Variants in OSBPL10 observed in about 807,000 individuals in gnomAD.
OSBPL10 encodes the protein oxysterol binding protein like 10, also known as oxysterol-binding protein-related protein 10.
A neutral mutation model predicts 81.7 loss-of-function variants in OSBPL10; 49 were observed. That is an observed-to-expected ratio of 0.60 (90% CI 0.48 to 0.76). The LOEUF (loss-of-function observed/expected upper bound fraction) is 0.76, where lower values mean the gene tolerates loss of function less well. Ranked by LOEUF, OSBPL10 falls within the 30% of genes least tolerant of loss-of-function variation. The pLI is 0.00. For synonymous variants in OSBPL10, 419 were observed against 383.6 expected, an observed-to-expected ratio of 1.09 and a Z score of -1.08; for missense variants, 923 against 987.8, an observed-to-expected ratio of 0.93 and a Z score of 0.88.
At chr3:31,726,935 C>G (rs1696825871) in intron 6 of OSBPL10, among the ~76,000 whole-genome samples, 1 of 151,808 alleles carries the variant, frequency 6.6e-6, no homozygotes, top group South Asian at 2.1e-4. Flanking sequence ...CTTCAACCTC[C>G]CAGGCTCAAG....
intron 1 of OSBPL10, among the ~76,000 whole-genome samples, chr3:31,908,652 C>A (rs1696488336): frequency 6.6e-6 from 1 of 152,174 alleles, no homozygotes; most frequent in East Asian, 1.9e-4. Context: ...ACATCATTGA[C>A]TTTGGTTTCC....
intron 4 of OSBPL10, among the ~76,000 whole-genome samples, chr3:31,768,537 G>A (rs9870972): frequency 0.48 from 60,788 of 125,596 alleles, 15,660 homozygotes; most frequent in African/African-American, 0.77. Context: ...AGATTTCCCA[G>A]ATGTAAAATA....
intron 3 of OSBPL10, among the ~76,000 whole-genome samples, chr3:31,846,136 C>A (rs1177077725): frequency 6.6e-6 from 1 of 152,168 alleles, no homozygotes; most frequent in Non-Finnish European, 1.5e-5. Context: ...CCTCAGCCTC[C>A]CGCGTGGCGG....
In OSBPL10 at chr3:31,661,781, T is replaced by C. The variant is rs890002654; in HGVS notation, c.*291A>G. ...GAGCTTATGATTACCCACTTTAACC[T>C]TGGTGAGTGCAGTATTTAAATGTGT... On this transcript the variant is annotated 3_prime_UTR_variant, in exon 12 of 12. Coordinates refer to ENST00000396556, the MANE Select transcript of OSBPL10 (RefSeq NM_017784.5). The C allele has an allele frequency of 6.8e-6, 2 of 295,918 alleles. No individual in the cohort carries two copies. Among genetic ancestry groups the C allele is most frequent in the Non-Finnish European group, 1.2e-5 (2 of 161,894 alleles). 18.3% of individuals were successfully genotyped at this position (295,918 alleles called of 1,614,324 possible).
At chr3:31,894,332 G>C (rs1214503200) in intron 1 of OSBPL10, among the ~76,000 whole-genome samples, 5 of 152,150 alleles carry the variant, frequency 3.3e-5, no homozygotes, top group Non-Finnish European at 5.9e-5. Context: ...GAACGGGCCT[G>C]GGACCAAGAC....
intron 4 of OSBPL10, among the ~76,000 whole-genome samples, chr3:31,810,924 ATTGT>A (rs1218496227): frequency 6.6e-6 from 1 of 152,170 alleles, no homozygotes; most frequent in Non-Finnish European, 1.5e-5. Flanking sequence ...TCCCTAAAGC[ATTGT>A]TTGTAAGAGC....
intron 1 of OSBPL10, among the ~76,000 whole-genome samples, chr3:32,051,237 G>T (rs1038081144): frequency 2.0e-5 from 3 of 152,228 alleles, no homozygotes; most frequent in Non-Finnish European, 2.9e-5. Flanking sequence ...ACTCCATTTT[G>T]GGAAAAATCT....
rs78658959 is a variant in OSBPL10, at chr3:31,827,244, T to C, written c.729+2796A>G. Among the ~76,000 whole-genome samples, 1,349 of 152,118 alleles carry C rather than the reference T, an allele frequency of 8.9e-3. 25 individuals carry two copies. The highest frequency in any genetic ancestry group is 0.031 in the African/African-American group (1,279 of 41,474). ...AATTATTTTTCATATCATGAAACTC[T>C]ATGGAAAATTTCAATAGCTTTCCCC... On this transcript the variant is annotated intron_variant, in intron 4 of 11. Transcript: ENST00000396556.
At chr3:31,694,312 A>C (rs1418579427) in intron 7 of OSBPL10, among the ~76,000 whole-genome samples, 1 of 127,480 alleles carries the variant, frequency 7.8e-6, no homozygotes, top group Non-Finnish European at 1.6e-5. Context: ...CAGAGGTTGA[A>C]GTTAGCCGAG....
At chr3:31,764,106 G>A (rs577479929) in intron 4 of OSBPL10, among the ~76,000 whole-genome samples, 15 of 152,264 alleles carry the variant, frequency 9.9e-5, no homozygotes, top group Admixed American at 5.9e-4. Context: ...AGAGCTAACC[G>A]CCCTTTGCAG....
upstream of OSBPL10, among the ~76,000 whole-genome samples, chr3:31,984,194 C>T (rs902027017): frequency 3.9e-5 from 6 of 152,122 alleles, no homozygotes; most frequent in South Asian, 2.1e-4. Context: ...CACCTGCCAC[C>T]ATGCCCAGCT....
At chr3:31,947,173 CA>C (rs1697726337) in intron 1 of OSBPL10, among the ~76,000 whole-genome samples, 2 of 152,058 alleles carry the variant, frequency 1.3e-5, no homozygotes, top group Non-Finnish European at 2.9e-5. Flanking sequence ...TGGGCCAACA[CA>C]AAAAATAAAG....
rs117445088 is a variant in OSBPL10, at chr3:31,945,414, C to T, written c.281+35485G>A. 1.2e-3 allele frequency among the ~76,000 whole-genome samples: 183 copies of T among 152,262 alleles called. 3 individuals are homozygous for T. The East Asian group carries it at 0.027, about 22-fold the overall frequency. ...AAAACAAAAGTCAGTCAGTGACATA[C>T]GATCCAGCCCTCAAGCCCACTTGCT... On this transcript the variant is annotated intron_variant, in intron 1 of 11. Coordinates refer to ENST00000396556, the MANE Select transcript of OSBPL10 (RefSeq NM_017784.5).
chr3:31,812,744 A>AAGAG (rs1699723144), intron 4 of OSBPL10, among the ~76,000 whole-genome samples: 2 of 29,664 alleles, frequency 6.7e-5, no homozygotes, highest in Non-Finnish European at 1.3e-4. Flanking sequence ...GAAAGAAAGA[A>AAGAG]AGAAAGAAAG....
chr3:31,981,227 G>T lies in OSBPL10; in HGVS notation c.-48C>A, dbSNP rs2125508130. 2 of 1,343,326 alleles carry T rather than the reference G, an allele frequency of 1.5e-6. No individual in the cohort carries two copies. The highest frequency in any genetic ancestry group is 2.0e-5 in the South Asian group (1 of 51,170). 83.2% of individuals were successfully genotyped at this position (1,343,326 alleles called of 1,614,324 possible). A position where few individuals can be genotyped will look rare whatever the true frequency, so the allele number is the denominator to read the frequency against. On this transcript the variant is annotated 5_prime_UTR_variant, in exon 1 of 12. Transcript: ENST00000396556. This position sits in a 1 kb window ranked among gnomAD's most constrained non-coding sequence, Gnocchi z 4.5. Reference sequence around the variant, plus strand: ...GGGTGCCCGCCGCGGTGGCGGCCCCGGCACGGCGGCTGCTGCTGCTGCTAC... The same window carrying T: ...GGGTGCCCGCCGCGGTGGCGGCCCCTGCACGGCGGCTGCTGCTGCTGCTAC...
intron 7 of OSBPL10, among the ~76,000 whole-genome samples, chr3:31,686,752 T>C (rs1284941577): frequency 6.6e-6 from 1 of 152,190 alleles, no homozygotes; most frequent in East Asian, 1.9e-4. Context: ...TGAAATAACC[T>C]TCAGATGCCA....
chr3:31,942,364 A>G (rs1181482176), intron 1 of OSBPL10, among the ~76,000 whole-genome samples: 1 of 152,070 alleles, frequency 6.6e-6, no homozygotes, highest in Non-Finnish European at 1.5e-5. Context: ...CAACATGGTG[A>G]AACCCTGTCT....
At chr3:31,763,775 G>GA in intron 4 of OSBPL10, among the ~76,000 whole-genome samples, 1 of 151,890 alleles carries the variant, frequency 6.6e-6, no homozygotes, top group South Asian at 2.1e-4. Flanking sequence ...AATGGCACTT[G>GA]AAAAAAGAAA....
At chr3:32,035,491 G>T (rs1447586197) in intron 2 of OSBPL10, among the ~76,000 whole-genome samples, 1 of 150,550 alleles carries the variant, frequency 6.6e-6, no homozygotes, top group Non-Finnish European at 1.5e-5. Context: ...GAACTTGGGA[G>T]GCAGAGGATG....
Sources: gnomAD v4.1 joint callset for allele counts (sites outside exome capture counted in the v4.1 genomes callset) on GRCh38, gnomAD v4.1.1 for gene constraint, Gnocchi (gnomAD v3.1) non-coding constraint, MANE v1.5 for transcripts, NCBI Gene and HGNC (gene_info 2026-07-23, HGNC 2026-07-21) for gene names.